The following GRM8 variants were observed in gnomAD, a reference collection of about 807,000 sequenced individuals.
GRM8 encodes metabotropic glutamate receptor 8.
A neutral mutation model predicts 87.2 loss-of-function variants in GRM8; 47 were observed. The observed-to-expected ratio is 0.54, with a 90% CI of 0.43 to 0.69. The LOEUF is 0.69. Ranked by LOEUF, GRM8 falls within the 30% of genes least tolerant of loss-of-function variation. The pLI, the probability that GRM8 is intolerant of heterozygous loss-of-function variation, is 0.00. For missense variants in GRM8, 1,019 were observed against 1,139.2 expected, an observed-to-expected ratio of 0.89 and a Z score of 1.52; for synonymous variants, 396 against 404.5, an observed-to-expected ratio of 0.98 and a Z score of 0.25.
intron 3 of GRM8, among the ~76,000 whole-genome samples, chr7:127,085,281 A>G (rs1411210917): frequency 6.6e-6 from 1 of 152,224 alleles, no homozygotes; most frequent in African/African-American, 2.4e-5. Context: ...ATACGTGTGC[A>G]TGTGTCTTCA....
At chr7:126,762,407 G>A (rs898998600) in intron 7 of GRM8, among the ~76,000 whole-genome samples, 44 of 150,898 alleles carry the variant, frequency 2.9e-4, no homozygotes, top group African/African-American at 1.0e-3. Context: ...GCAGAACTAG[G>A]GGAAAAAAAC....
At chr7:126,861,027 CTG>C (rs1798093689) in intron 6 of GRM8, among the ~76,000 whole-genome samples, 1 of 152,146 alleles carries the variant, frequency 6.6e-6, no homozygotes, top group Non-Finnish European at 1.5e-5. Flanking sequence ...GAATTTTCCT[CTG>C]TGGCCTTCAG....
intron 2 of GRM8, among the ~76,000 whole-genome samples, chr7:127,163,478 G>A (rs1587170609): frequency 6.6e-6 from 1 of 152,156 alleles, no homozygotes; most frequent in African/African-American, 2.4e-5. Context: ...TAGGTGGTAG[G>A]GGGTTCCCCC....
intron 6 of GRM8, among the ~76,000 whole-genome samples, chr7:126,902,085 T>C (rs1345407576): frequency 1.3e-5 from 2 of 152,218 alleles, no homozygotes; most frequent in Non-Finnish European, 2.9e-5. Flanking sequence ...AAATCATACA[T>C]GTTCCAGGAT....
At chr7:126,960,718 G>C (rs7777099) in intron 3 of GRM8, among the ~76,000 whole-genome samples, 15,290 of 152,162 alleles carry the variant, frequency 0.1, 835 homozygotes, top group Middle Eastern at 0.18. Flanking sequence ...AAAAAGATTT[G>C]AATTCAAATA....
In GRM8 at chr7:126,861,458, G is replaced by T. The variant is rs1042920279; in HGVS notation, c.1156+41084C>A. Among the ~76,000 whole-genome samples the T allele has an allele frequency of 2.0e-5, 3 of 151,906 alleles. No individual in the cohort carries two copies. In the East Asian group the frequency reaches 5.8e-4, roughly 29 times the overall value. ...AGAATGCAAATTTTCAACATTACTA[G>T]ATATTGCTAAACTGCCCTCTAAAGT... On this transcript the variant is annotated intron_variant, in intron 6 of 10. Coordinates refer to ENST00000339582, the MANE Select transcript of GRM8 (RefSeq NM_000845.3).
chr7:126,590,237 C>A (rs979574686), intron 8 of GRM8, among the ~76,000 whole-genome samples: 1 of 151,522 alleles, frequency 6.6e-6, no homozygotes, highest in Non-Finnish European at 1.5e-5. Flanking sequence ...GCAAAATGCA[C>A]TGAAAGTCTC....
chr7:126,938,494 T>C (rs558876811), intron 3 of GRM8, among the ~76,000 whole-genome samples: 3 of 152,330 alleles, frequency 2.0e-5, no homozygotes, highest in African/African-American at 7.2e-5. Flanking sequence ...ATATATTGTG[T>C]ATACATATGC....
chr7:127,236,420 C>G lies in GRM8; in HGVS notation c.510+6275G>C, dbSNP rs969728207. Among the ~76,000 whole-genome samples, 7 of 152,164 alleles carry G rather than the reference C, an allele frequency of 4.6e-5. 1 individual carries two copies. Among genetic ancestry groups the G allele is most frequent in the Non-Finnish European group, 1.0e-4 (7 of 68,022 alleles). On this transcript the variant is annotated intron_variant, in intron 2 of 10. Coordinates refer to ENST00000339582, the MANE Select transcript of GRM8 (RefSeq NM_000845.3). Reference sequence around the variant, plus strand: ...CAGTTCAGCATGGCTGGGGAGGCCTCAGGAAACTCATAATTATGGCAGAAG... The same window carrying G: ...CAGTTCAGCATGGCTGGGGAGGCCTGAGGAAACTCATAATTATGGCAGAAG...
chr7:127,195,041 C>T (rs3819493), intron 2 of GRM8, among the ~76,000 whole-genome samples: 1 of 152,036 alleles, frequency 6.6e-6, no homozygotes, highest in Non-Finnish European at 1.5e-5. Flanking sequence ...TATTATAGAT[C>T]ACTCCCACAG....
intron 2 of GRM8, among the ~76,000 whole-genome samples, chr7:127,141,396 G>T (rs1828247585): frequency 6.6e-6 from 1 of 151,986 alleles, no homozygotes; most frequent in Non-Finnish European, 1.5e-5. Flanking sequence ...TTTTACTCAA[G>T]ACTTAAGCCA....
At chr7:126,545,846 T>A (rs9641797) in intron 8 of GRM8, among the ~76,000 whole-genome samples, 54,921 of 152,072 alleles carry the variant, frequency 0.36, 10,080 homozygotes, top group East Asian at 0.44. Context: ...ATTTCTTTTT[T>A]CCATGTACTA....
chr7:126,805,011 G>A (rs1792515503), intron 6 of GRM8, among the ~76,000 whole-genome samples: 1 of 152,102 alleles, frequency 6.6e-6, no homozygotes, highest in African/African-American at 2.4e-5. Context: ...AACCTATTCT[G>A]ACACTTTCCT....
At chr7:126,500,124 T>C (rs1007214907) in intron 9 of GRM8, among the ~76,000 whole-genome samples, 6 of 151,978 alleles carry the variant, frequency 3.9e-5, no homozygotes, top group African/African-American at 1.4e-4. Flanking sequence ...CAATACATTC[T>C]TATTAACTAT....
At chr7:126,878,583 C>T (rs372958110) in intron 6 of GRM8, among the ~76,000 whole-genome samples, 7 of 150,362 alleles carry the variant, frequency 4.7e-5, no homozygotes, top group South Asian at 4.2e-4. Flanking sequence ...GCAGTGGCAC[C>T]GTCTCAGCTC....
At chr7:127,030,294 A>C (rs1050715325) in intron 3 of GRM8, among the ~76,000 whole-genome samples, 7 of 110,766 alleles carry the variant, frequency 6.3e-5, no homozygotes, top group African/African-American at 2.9e-4. Context: ...AGCACTCCCC[A>C]GAAGGTTCAC....
intron 3 of GRM8, among the ~76,000 whole-genome samples, chr7:126,990,528 C>T (rs528624444): frequency 6.4e-4 from 98 of 152,326 alleles, no homozygotes; most frequent in Non-Finnish European, 1.1e-3. Flanking sequence ...CCTATGCAAA[C>T]AATCCCCTGT....
intron 9 of GRM8, among the ~76,000 whole-genome samples, chr7:126,502,782 C>T (rs1009442452): frequency 6.6e-6 from 1 of 151,936 alleles, no homozygotes; most frequent in Non-Finnish European, 1.5e-5. Flanking sequence ...CTTTATAATA[C>T]ATAATTTGGG....
At chr7:127,027,418 C>A (rs1341555795) in intron 3 of GRM8, among the ~76,000 whole-genome samples, 1 of 152,130 alleles carries the variant, frequency 6.6e-6, no homozygotes. Flanking sequence ...CTATAAATCA[C>A]CTTGGGCAGT....
Sources: allele counts gnomAD v4.1 joint callset (sites outside exome capture counted in the v4.1 genomes callset), GRCh38; gene constraint gnomAD v4.1.1; transcripts MANE v1.5; gene names NCBI Gene and HGNC (gene_info 2026-07-23, HGNC 2026-07-21).